Variants in SOAT1 observed in about 807,000 individuals in gnomAD.
The protein encoded by SOAT1 is sterol O-acyltransferase 1, also known as acyl-coenzyme A:cholesterol acyltransferase 1.
A neutral mutation model predicts 69.5 loss-of-function variants in SOAT1; 55 were observed. The ratio of observed to expected loss-of-function variants is 0.79; its 90% CI spans 0.64 to 0.99. The LOEUF (loss-of-function observed/expected upper bound fraction) is 0.99. Among genes scored for constraint, SOAT1 ranks in the 50% least tolerant of loss-of-function variants. The pLI, the probability that SOAT1 is intolerant of heterozygous loss-of-function variation, is 0.00. For synonymous variants in SOAT1, 231 were observed against 224.7 expected, an observed-to-expected ratio of 1.03 and a Z score of -0.25; for missense variants, 580 against 669.3, an observed-to-expected ratio of 0.87 and a Z score of 1.47.
At chr1:179,337,811 C>T in intron 4 of SOAT1, 26 bp from the exon 5 acceptor site, 1 of 1,560,468 alleles carries the variant, frequency 6.4e-7, no homozygotes, top group Non-Finnish European at 8.7e-7. Context: ...GTACTTATAT[C>T]TTGTTTTAAT....
At chr1:179,336,885 C>T (rs948077345) in intron 4 of SOAT1, among the ~76,000 whole-genome samples, 1 of 151,952 alleles carries the variant, frequency 6.6e-6, no homozygotes, top group Non-Finnish European at 1.5e-5. Context: ...ATCCCAGCTA[C>T]TCGGGAGGCT....
Position 179,302,760 on chromosome 1 carries a change from C to A in SOAT1, c.76C>A (p.Gln26Lys), listed in dbSNP as rs995944944. The A allele has an allele frequency of 6.2e-7, 1 of 1,606,914 alleles. No individual in the cohort carries two copies. The highest frequency in any genetic ancestry group is 8.5e-7 in the Non-Finnish European group (1 of 1,178,252). ...SRENPEEDED[Q>K]RNPAKESLET... The stretch of plus-strand genomic sequence containing the variant: ...GGAAAATCCTGAGGAAGATGAAGAC[C>A]AGAGAAACCCTGCAAAGGAGTCCCT... The change falls in exon 2 of 16, where the codon CAG (glutamine) becomes AAG (lysine). Residue 26 changes from glutamine (Q) to lysine (K), a missense_variant. Transcript: ENST00000367619.
At chr1:179,334,361 CTG>C (rs1321365432) in intron 3 of SOAT1, among the ~76,000 whole-genome samples, 5 of 152,270 alleles carry the variant, frequency 3.3e-5, no homozygotes, top group East Asian at 3.9e-4. Context: ...TAATTACTAA[CTG>C]TCATTTATAG....
chr1:179,297,062 A>G (rs1179720189), intron 1 of SOAT1, among the ~76,000 whole-genome samples: 2 of 152,260 alleles, frequency 1.3e-5, no homozygotes, highest in African/African-American at 4.8e-5. Context: ...GTTTGTTAGC[A>G]TTTCTGAATC....
At chr1:179,305,473 T>G (rs1664972851) in intron 2 of SOAT1, among the ~76,000 whole-genome samples, 1 of 141,360 alleles carries the variant, frequency 7.1e-6, no homozygotes, top group Non-Finnish European at 1.5e-5. Context: ...AGTTTGCTTA[T>G]CTGTCAGTTG....
At chr1:179,311,710 C>T (rs1665228072) in intron 2 of SOAT1, among the ~76,000 whole-genome samples, 1 of 152,032 alleles carries the variant, frequency 6.6e-6, no homozygotes, top group East Asian at 1.9e-4. Flanking sequence ...GTTTGATGTT[C>T]AATTACTTAT....
intron 11 of SOAT1, among the ~76,000 whole-genome samples, chr1:179,346,590 G>T (rs2124999599): frequency 6.6e-6 from 1 of 152,332 alleles, no homozygotes; most frequent in South Asian, 2.1e-4. Context: ...ACAACACTTA[G>T]AGGGTAGAAT....
intron 2 of SOAT1, among the ~76,000 whole-genome samples, chr1:179,308,756 C>T (rs569485055): frequency 4.0e-5 from 6 of 150,282 alleles, no homozygotes; most frequent in Non-Finnish European, 5.9e-5. Context: ...GTAATATATA[C>T]TCATTGAAAA....
chr1:179,337,660 A>G (rs1385994652), intron 4 of SOAT1, among the ~76,000 whole-genome samples, 177 bp from the exon 5 acceptor site: 1 of 152,100 alleles, frequency 6.6e-6, no homozygotes, highest in Non-Finnish European at 1.5e-5. Context: ...ACTGTAACAC[A>G]ATATTTGGAT....
In SOAT1 at chr1:179,354,813, T is replaced by C. The variant is rs1666854360; in HGVS notation, c.*1172T>C. ...CTAATACAATGTGTGTAGGAATTATTTGTATGTATGAGGTATGATTGTAAA... is the reference window on the plus strand; with the variant it reads ...CTAATACAATGTGTGTAGGAATTATCTGTATGTATGAGGTATGATTGTAAA... On this transcript the variant is annotated 3_prime_UTR_variant, in exon 16 of 16. Transcript: ENST00000367619. The C allele has an allele frequency of 6.6e-6, 1 of 152,214 alleles. No individual in the cohort carries two copies. The highest frequency in any genetic ancestry group is 2.4e-5 in the African/African-American group (1 of 41,458). 9.4% of individuals were successfully genotyped at this position (152,214 alleles called of 1,614,324 possible).
At chr1:179,339,405 T>C (rs1419347175) in intron 5 of SOAT1, 33 bp from the exon 6 acceptor site, 1 of 1,406,798 alleles carries the variant, frequency 7.1e-7, no homozygotes, top group Non-Finnish European at 9.8e-7. Flanking sequence ...AAATATACAT[T>C]ATTAACTTGT....
intron 8 of SOAT1, among the ~76,000 whole-genome samples, chr1:179,342,396 T>C (rs1419478903): frequency 1.3e-5 from 2 of 151,920 alleles, no homozygotes; most frequent in Non-Finnish European, 1.5e-5. Flanking sequence ...GGCTGGATAT[T>C]TCACCCTTTG....
At chr1:179,343,262 T>C (rs1255914432) in intron 9 of SOAT1, among the ~76,000 whole-genome samples, 1 of 152,130 alleles carries the variant, frequency 6.6e-6, no homozygotes, top group Non-Finnish European at 1.5e-5. Flanking sequence ...GGAGTCTTGC[T>C]CTGTCACCCA....
intron 3 of SOAT1, among the ~76,000 whole-genome samples, chr1:179,330,076 G>C (rs1297326378): frequency 6.6e-6 from 1 of 152,188 alleles, no homozygotes; most frequent in African/African-American, 2.4e-5. Context: ...TAAAGCAGTA[G>C]AGAAGGAGTT....
chr1:179,345,007 C>T lies in SOAT1; in HGVS notation c.1048C>T (p.Arg350Trp), dbSNP rs373499557. ...TGAAAGGCTTTGTGCCCCCTTGTTTCGGAATATCAAACAGGAGCCCTTCAG... is the reference window on the plus strand; with the variant it reads ...TGAAAGGCTTTGTGCCCCCTTGTTTTGGAATATCAAACAGGAGCCCTTCAG... ...IFERLCAPLF[R>W]NIKQEPFSAR... Residue 350 changes from arginine (R) to tryptophan (W), a missense_variant, in exon 11 of 16, where the codon CGG (arginine) becomes TGG (tryptophan). Transcript: ENST00000367619. 3.2e-5 allele frequency: 51 copies of T among 1,613,838 alleles called. No individual in the cohort carries two copies. The highest frequency in any genetic ancestry group is 1.7e-4 in the African/African-American group (13 of 74,898).
chr1:179,353,608 G>A lies in SOAT1; in HGVS notation c.1620G>A (p.Arg540=), dbSNP rs780410271. The A allele has an allele frequency of 1.9e-6, 3 of 1,613,510 alleles. No individual in the cohort carries two copies. The highest frequency in any genetic ancestry group is 2.5e-6 in the Non-Finnish European group (3 of 1,179,718). ...LKNPTFLDYV[R]PRSWTCRYVF is the part of the protein sequence containing the mutation. ...AGCCCACATTTTTGGATTATGTCCG[G>A]CCACGTTCCTGGACTTGTCGTTACG... The change falls in exon 16 of 16, where the codon CGG becomes CGA. Residue 540 remains arginine, a synonymous_variant. Coordinates refer to ENST00000367619, the MANE Select transcript of SOAT1 (RefSeq NM_003101.6).
chr1:179,345,158 TG>T lies in SOAT1; in HGVS notation c.1117+83del, dbSNP rs1231620191. ...CTATTGCCTATGAGCACCTTTGCTTTGCCTACTTTTTCATCTAAACTTCTAT... is the reference window on the plus strand; with the variant it reads ...CTATTGCCTATGAGCACCTTTGCTTTCCTACTTTTTCATCTAAACTTCTAT... On this transcript the variant is annotated intron_variant, in intron 11 of 15. Coordinates refer to ENST00000367619, the MANE Select transcript of SOAT1 (RefSeq NM_003101.6). 24 of 1,427,310 alleles carry T rather than the reference TG, an allele frequency of 1.7e-5. No individual in the cohort carries two copies. The East Asian group carries it at 5.0e-4, about 30-fold the overall frequency. 88.4% of individuals were successfully genotyped at this position (1,427,310 alleles called of 1,614,324 possible).
At chr1:179,300,386 T>C (rs1664795624) in intron 1 of SOAT1, among the ~76,000 whole-genome samples, 1 of 152,226 alleles carries the variant, frequency 6.6e-6, no homozygotes. Context: ...AATTGGACCA[T>C]TGTAAGTTGG....
At chr1:179,347,275 T>C (rs1205447955) in intron 11 of SOAT1, among the ~76,000 whole-genome samples, 2 of 150,260 alleles carry the variant, frequency 1.3e-5, no homozygotes, top group Non-Finnish European at 2.9e-5. Context: ...GGAGAATTGC[T>C]TGAACCCTGG....
Sources: allele counts gnomAD v4.1 joint callset (sites outside exome capture counted in the v4.1 genomes callset), GRCh38; gene constraint gnomAD v4.1.1; transcripts MANE v1.5; gene names NCBI Gene and HGNC (gene_info 2026-07-23, HGNC 2026-07-21).